HNF4G: variants seen among roughly 807,000 people sequenced by gnomAD.
HNF4G encodes hepatocyte nuclear factor 4-gamma.
HNF4G carries 21 observed loss-of-function variants against 50.9 expected under a neutral mutation model. The ratio of observed to expected loss-of-function variants is 0.41; its 90% CI spans 0.29 to 0.59. The LOEUF (loss-of-function observed/expected upper bound fraction) is 0.59. Ranked by LOEUF, HNF4G falls within the 20% of genes least tolerant of loss-of-function variation. The pLI, the probability that HNF4G is intolerant of heterozygous loss-of-function variation, is 0.26. For synonymous variants in HNF4G, 198 were observed against 185.6 expected, an observed-to-expected ratio of 1.07 and a Z score of -0.54; for missense variants, 527 against 559.4, an observed-to-expected ratio of 0.94 and a Z score of 0.58.
At chr8:75,412,860 G>A (rs1254858927) in intron 1 of HNF4G, among the ~76,000 whole-genome samples, 1 of 152,094 alleles carries the variant, frequency 6.6e-6, no homozygotes, top group African/African-American at 2.4e-5. Context: ...ACTGCAAACA[G>A]TGATAATCTA....
At chr8:75,409,381 A>G (rs1288047559) in intron 1 of HNF4G, among the ~76,000 whole-genome samples, 1 of 151,810 alleles carries the variant, frequency 6.6e-6, no homozygotes, top group Non-Finnish European at 1.5e-5. Context: ...TCACGGTTAT[A>G]GGCATATGGG....
At chr8:75,526,249 C>T (rs1806178032) in intron 2 of HNF4G, among the ~76,000 whole-genome samples, 2 of 152,040 alleles carry the variant, frequency 1.3e-5, no homozygotes, top group African/African-American at 4.8e-5. Flanking sequence ...TCACCTCAAC[C>T]TCCCGAGTAG....
chr8:75,445,825 A>G (rs1197105439), intron 1 of HNF4G, among the ~76,000 whole-genome samples: 1 of 138,128 alleles, frequency 7.2e-6, no homozygotes, highest in Non-Finnish European at 1.5e-5. Context: ...GACCAGATGG[A>G]TTCACAGCCG....
chr8:75,451,256 G>C (rs541899074), intron 1 of HNF4G, among the ~76,000 whole-genome samples: 1 of 152,042 alleles, frequency 6.6e-6, no homozygotes, highest in African/African-American at 2.4e-5. Context: ...TTGTTGTATA[G>C]CTTGCAAATA....
chr8:75,423,815 CTTTTTT>C (rs548125507), intron 1 of HNF4G, among the ~76,000 whole-genome samples: 268 of 71,216 alleles, frequency 3.8e-3, no homozygotes, highest in Non-Finnish European at 5.5e-3. Flanking sequence ...AAGTTTCTTT[CTTTTTT>C]TTTTTTTTTT....
At chr8:75,448,547 C>G (rs1004200966) in intron 1 of HNF4G, among the ~76,000 whole-genome samples, 61 of 141,864 alleles carry the variant, frequency 4.3e-4, no homozygotes, top group Non-Finnish European at 5.1e-4. Flanking sequence ...TTATACGTTT[C>G]TAATATAAGA....
chr8:75,526,435 T>C lies in HNF4G; in HGVS notation c.-23-17376T>C, dbSNP rs80024174. Among the ~76,000 whole-genome samples, 21 of 152,296 alleles carry C rather than the reference T, an allele frequency of 1.4e-4. No homozygotes were observed. In the East Asian group the frequency reaches 3.9e-3, roughly 28 times the overall value. ...ATGTTTGAGTAACTCAGTGCGCATA[T>C]TCCCAGTTGAAGTCCAAGGCAATGA... is the stretch of plus-strand genomic sequence containing the variant. On this transcript the variant is annotated intron_variant, in intron 2 of 10. Coordinates refer to the HNF4G transcript ENST00000354370.
chr8:75,548,614 A>G (rs1806858776), intron 3 of HNF4G, among the ~76,000 whole-genome samples: 1 of 152,226 alleles, frequency 6.6e-6, no homozygotes, highest in Admixed American at 6.5e-5. Context: ...TTAATTTAGA[A>G]ACAAATGTAT....
chr8:75,537,325 C>A (rs1806490961), upstream of HNF4G, among the ~76,000 whole-genome samples: 1 of 152,228 alleles, frequency 6.6e-6, no homozygotes. Flanking sequence ...CTCACTGCAA[C>A]CTCCACCTTC....
intron 2 of HNF4G, among the ~76,000 whole-genome samples, chr8:75,530,796 T>G (rs368692595): frequency 0.013 from 1,856 of 146,504 alleles, 18 homozygotes; most frequent in Non-Finnish European, 0.019. Context: ...TCAATGTGCT[T>G]TTTTTTTTTT....
chr8:75,490,525 T>C (rs1051077479), intron 2 of HNF4G, among the ~76,000 whole-genome samples: 1 of 152,212 alleles, frequency 6.6e-6, no homozygotes, highest in African/African-American at 2.4e-5. Flanking sequence ...ATTAGCATAT[T>C]CTCAAATTAG....
intron 1 of HNF4G, among the ~76,000 whole-genome samples, chr8:75,426,124 T>G (rs1352643545): frequency 6.6e-6 from 1 of 152,216 alleles, no homozygotes; most frequent in Non-Finnish European, 1.5e-5. Context: ...GTCATTTCCT[T>G]TCTTTCCGTA....
At chr8:75,454,417 A>G (rs1427552535) in intron 1 of HNF4G, among the ~76,000 whole-genome samples, 1 of 152,230 alleles carries the variant, frequency 6.6e-6, no homozygotes, top group Non-Finnish European at 1.5e-5. Context: ...CAGTACATGC[A>G]GTTCTTACTA....
chr8:75,421,679 G>T (rs140489921), intron 1 of HNF4G, among the ~76,000 whole-genome samples: 3,308 of 152,264 alleles, frequency 0.022, 55 homozygotes, highest in Non-Finnish European at 0.035. Flanking sequence ...ATCAGAATCA[G>T]CTGGGAAGCT....
intron 2 of HNF4G, among the ~76,000 whole-genome samples, chr8:75,534,592 C>CA (rs1014942270): frequency 2.1e-4 from 32 of 151,732 alleles, no homozygotes; most frequent in African/African-American, 7.7e-4. Context: ...TTTTAATATG[C>CA]AAATAAAATA....
At chr8:75,446,923 A>C (rs1424231525) in intron 1 of HNF4G, among the ~76,000 whole-genome samples, 41 of 130,912 alleles carry the variant, frequency 3.1e-4, no homozygotes, top group African/African-American at 1.1e-3. Context: ...CAGAATTGGA[A>C]AAAACTACTT....
At chr8:75,535,081 G>A (rs1471774857), upstream of HNF4G, among the ~76,000 whole-genome samples, 4 of 151,624 alleles carry the variant, frequency 2.6e-5, no homozygotes, top group Non-Finnish European at 5.9e-5. Context: ...AATAATTTTT[G>A]TTTATCTAAA....
intron 1 of HNF4G, among the ~76,000 whole-genome samples, chr8:75,476,881 A>T (rs1197249874): frequency 6.6e-6 from 1 of 152,234 alleles, no homozygotes; most frequent in East Asian, 1.9e-4. Context: ...AGAAGGAAAC[A>T]TCAGGAGTGA....
At chr8:75,529,177 G>A (rs953467439) in intron 2 of HNF4G, among the ~76,000 whole-genome samples, 20 of 152,040 alleles carry the variant, frequency 1.3e-4, no homozygotes, top group Non-Finnish European at 2.9e-5. Context: ...TGTAGTCCCA[G>A]CTACTCTGGA....
Sources: allele counts gnomAD v4.1 joint callset (sites outside exome capture counted in the v4.1 genomes callset), GRCh38; gene constraint gnomAD v4.1.1; transcripts MANE v1.5; gene names NCBI Gene and HGNC (gene_info 2026-07-23, HGNC 2026-07-21).